SYNE2: variants seen among roughly 807,000 people sequenced by gnomAD.
The protein encoded by SYNE2 is spectrin repeat containing nuclear envelope protein 2.
SYNE2 carries 431 observed loss-of-function variants against 856.3 expected under a neutral mutation model. The ratio of observed to expected loss-of-function variants is 0.50; its 90% CI spans 0.47 to 0.55. The LOEUF (loss-of-function observed/expected upper bound fraction) is 0.55. Ranked by LOEUF, SYNE2 falls within the 20% of genes least tolerant of loss-of-function variation. The pLI is 0.00. For missense variants in SYNE2, 8,129 were observed against 8,023.2 expected, an observed-to-expected ratio of 1.01 and a Z score of -0.50; for synonymous variants, 2,923 against 2,872.3, an observed-to-expected ratio of 1.02 and a Z score of -0.56.
chr14:64,223,328 A>G lies in SYNE2; in HGVS notation c.20330A>G (p.Lys6777Arg). 1 of 1,614,190 alleles carries G rather than the reference A, an allele frequency of 6.2e-7. No individual in the cohort carries two copies. Among genetic ancestry groups the G allele is most frequent in the South Asian group, 1.1e-5 (1 of 91,066 alleles). The change falls in exon 113 of 116, where the codon AAA becomes AGA. Residue 6777 changes from lysine to arginine, a missense_variant. Lys to Arg is a conservative substitution (Grantham distance 26, BLOSUM62 2). Around this residue, in one of 3 missense-constraint regions of SYNE2, gnomAD observed 5,410 missense variants for 5,284.8 expected, o/e 1.02. Transcript: ENST00000555002. ...EKVHVIEKKLKQLREQVSQDL... is the reference protein window; with the variant it reads ...EKVHVIEKKLRQLREQVSQDL... The stretch of plus-strand genomic sequence containing the variant: ...GTGCATGTTATTGAGAAGAAACTCA[A>G]ACAGTTACGGGAGCAAGTGTCCCAA...
chr14:63,984,940 T>C (rs1283613016), intron 18 of SYNE2, among the ~76,000 whole-genome samples: 1 of 152,192 alleles, frequency 6.6e-6, no homozygotes, highest in African/African-American at 2.4e-5. Context: ...AGAGGATTGC[T>C]TGAGCTCAAG....
chr14:63,861,184 G>C (rs1334735161), intron 1 of SYNE2, among the ~76,000 whole-genome samples: 2 of 131,208 alleles, frequency 1.5e-5, no homozygotes, highest in Non-Finnish European at 3.1e-5. Flanking sequence ...TTACTCTGTT[G>C]CCCAGGCTGG....
At position 64,024,961 on chromosome 14, in the gene SYNE2, G is replaced by T; in HGVS notation, c.5890G>T (p.Glu1964Ter). The T allele has an allele frequency of 6.2e-7, 1 of 1,614,014 alleles. No homozygotes were observed. The highest frequency in any genetic ancestry group is 1.1e-5 in the South Asian group (1 of 91,074). Residue 1964 changes from glutamate (E) to a stop codon, truncating the protein, a stop_gained, in exon 40 of 116, where the codon GAG becomes TAG. Transcript: ENST00000555002. LOFTEE classifies it high-confidence loss of function. ...NLRKWLTNQE[E>*]KWKGMEEPGE... ...GAGGAAGTGGTTGACTAATCAAGAA[G>T]AGAAATGGAAAGGAATGGAAGAACC...
chr14:63,863,878 G>T (rs1003958414), intron 1 of SYNE2, among the ~76,000 whole-genome samples: 1 of 152,158 alleles, frequency 6.6e-6, no homozygotes, highest in African/African-American at 2.4e-5. Context: ...GCGCTGGAGT[G>T]CAGTGGTGTG....
At chr14:63,894,121 G>A (rs976009633) in intron 1 of SYNE2, among the ~76,000 whole-genome samples, 3 of 151,968 alleles carry the variant, frequency 2.0e-5, no homozygotes, top group African/African-American at 2.4e-5. Flanking sequence ...GTTTGTATAA[G>A]ATAAGATGGT....
chr14:64,002,072 A>T lies in SYNE2; in HGVS notation c.3777A>T (p.Gln1259His). 1 of 1,611,476 alleles carries T rather than the reference A, an allele frequency of 6.2e-7. No homozygotes were observed. The highest frequency in any genetic ancestry group is 8.5e-7 in the Non-Finnish European group (1 of 1,177,634). Residue 1259 changes from glutamine to histidine, a missense_variant, in exon 29 of 116, where the codon CAA becomes CAT. Around this residue, in one of 3 missense-constraint regions of SYNE2, gnomAD observed 2,422 missense variants for 2,357.4 expected, o/e 1.03. Coordinates refer to ENST00000555002, the MANE Select transcript of SYNE2 (RefSeq NM_182914.3). ...FHLIDADRIY[Q>H]HLRNIQDSIA... ...TCATTGATGCTGATCGCATCTATCA[A>T]CACCTAAGGGTAAGTATATAAGTTC...
At position 63,839,686 on chromosome 14, in the gene SYNE2, C is replaced by T. The variant is rs557762979; in HGVS notation, c.-304-12815C>T. ...CTCTGGCCTGGGCAACAGAGCAAGA[C>T]CTTGTCTCAAGAAAAATAAATAAAG... On this transcript the variant is annotated intron_variant, in intron 1 of 23. Coordinates refer to the SYNE2 transcript ENST00000674003. Among the ~76,000 whole-genome samples, 3 of 151,952 alleles carry T rather than the reference C, an allele frequency of 2.0e-5. No individual in the cohort carries two copies. In the South Asian group the frequency reaches 6.2e-4, roughly 32 times the overall value.
At chr14:63,910,011 T>A (rs1194089101) in intron 2 of SYNE2, among the ~76,000 whole-genome samples, 1 of 152,264 alleles carries the variant, frequency 6.6e-6, no homozygotes, top group African/African-American at 2.4e-5. Flanking sequence ...TGTTGTATTT[T>A]GAAAATTCAC....
chr14:64,031,381 C>G, intron 45 of SYNE2, 24 bp downstream of exon 45: 1 of 1,598,974 alleles, frequency 6.3e-7, no homozygotes, highest in Non-Finnish European at 8.6e-7. Context: ...ATTGCACTTT[C>G]AAGACAGTGA....
chr14:63,795,763 C>A (rs544728269), intron 1 of SYNE2, among the ~76,000 whole-genome samples: 6 of 152,090 alleles, frequency 3.9e-5, no homozygotes, highest in Admixed American at 6.6e-5. Context: ...AAAGTCCATC[C>A]GATGGTGAAT....
chr14:63,978,911 G>C lies in SYNE2; in HGVS notation c.1466G>C (p.Cys489Ser). Reference protein sequence around the residue: ...ILLLEFHYYKCLVLGLVDEVK... With the variant: ...ILLLEFHYYKSLVLGLVDEVK... ...CTTCTAGAATTTCATTACTACAAGT[G>C]CTTAGTTCTTGGTTTGGTAGATGAA... Residue 489 changes from cysteine (C) to serine (S), a missense_variant, in exon 14 of 116, where the codon TGC becomes TCC. Physicochemically the swap from Cys to Ser is moderately radical, Grantham distance 112. Coordinates refer to ENST00000555002, the MANE Select transcript of SYNE2 (RefSeq NM_182914.3). 1.9e-6 allele frequency: 3 copies of C among 1,612,554 alleles called. No homozygotes were observed. The highest frequency in any genetic ancestry group is 2.5e-6 in the Non-Finnish European group (3 of 1,178,728).
chr14:63,865,586 G>T (rs1367105189), intron 1 of SYNE2, among the ~76,000 whole-genome samples: 1 of 151,580 alleles, frequency 6.6e-6, no homozygotes, highest in South Asian at 2.1e-4. Flanking sequence ...GTTTCACCAT[G>T]TTGAGCAGGC....
chr14:63,780,155 T>G (rs1047794946), intron 1 of SYNE2, among the ~76,000 whole-genome samples: 1 of 152,178 alleles, frequency 6.6e-6, no homozygotes, highest in Non-Finnish European at 1.5e-5. Context: ...TACTTAGGAA[T>G]AAATCTCACA....
At chr14:64,095,658 A>G (rs889247314) in intron 61 of SYNE2, among the ~76,000 whole-genome samples, 1 of 152,208 alleles carries the variant, frequency 6.6e-6, no homozygotes, top group Non-Finnish European at 1.5e-5. Context: ...CTTACAACTC[A>G]AACAGTAGCA....
intron 108 of SYNE2, 69 bp downstream of exon 108, chr14:64,216,456 GA>G (rs1351771576): frequency 6.4e-7 from 1 of 1,557,060 alleles, no homozygotes; most frequent in African/African-American, 1.4e-5. Context: ...AAGAGAGAGA[GA>G]TTTTGGTGTA....
At position 63,840,424 on chromosome 14, in the gene SYNE2, T is replaced by A. The variant is rs1258160798; in HGVS notation, c.-304-12077T>A. ...TTTCCTTCCTTCCTTCCTTCCTTCC[T>A]TCCTTCCTTCCTTCCTTCCTTCCTT... On this transcript the variant is annotated intron_variant, in intron 1 of 23. Coordinates refer to the SYNE2 transcript ENST00000674003. Among the ~76,000 whole-genome samples the A allele has an allele frequency of 6.8e-5, 6 of 88,528 alleles. No homozygotes were observed. In the Middle Eastern group the frequency reaches 0.023, roughly 342 times the overall value. The allele number at this position is 88,528 out of a possible 152,430, so 58.1% of individuals were successfully genotyped here.
intron 2 of SYNE2, among the ~76,000 whole-genome samples, chr14:63,920,736 G>T (rs545935305): frequency 2.0e-5 from 3 of 151,846 alleles, no homozygotes; most frequent in South Asian, 2.1e-4. Flanking sequence ...AGAGAAATAG[G>T]TGTTCAAGAG....
In SYNE2 at chr14:63,909,186, A is replaced by G; in HGVS notation, c.38A>G (p.Gln13Arg). Residue 13 changes from glutamine (Q) to arginine (R), a missense_variant, in exon 2 of 116, where the codon CAG (glutamine) becomes CGG (arginine). Around this residue, in one of 3 missense-constraint regions of SYNE2, gnomAD observed 2,422 missense variants for 2,357.4 expected, o/e 1.03. Transcript: ENST00000555002. ...CCTGAGCTTCCCACCGAAGATGAAC[A>G]GGGTTCCTGGGGCATCGACGATCTC... ...SSPELPTEDE[Q>R]GSWGIDDLHI... is the part of the protein sequence containing the mutation. The G allele has an allele frequency of 6.2e-7, 1 of 1,613,554 alleles. No individual in the cohort carries two copies.
intron 83 of SYNE2, among the ~76,000 whole-genome samples, chr14:64,145,731 GAA>G (rs1435668463): frequency 6.6e-6 from 1 of 152,072 alleles, no homozygotes; most frequent in African/African-American, 2.4e-5. Context: ...TCTGAGGAAA[GAA>G]ATTTTTCTTA....
Sources: allele counts gnomAD v4.1 joint callset (sites outside exome capture counted in the v4.1 genomes callset), GRCh38; gene constraint gnomAD v4.1.1; regional missense constraint gnomAD v4.1.1; transcripts MANE v1.5; gene names NCBI Gene and HGNC (gene_info 2026-07-23, HGNC 2026-07-21).